RFX7: variants seen among roughly 807,000 people sequenced by gnomAD.
The protein encoded by RFX7 is DNA-binding protein RFX7.
A neutral mutation model predicts 111.8 loss-of-function variants in RFX7; 26 were observed. The ratio of observed to expected loss-of-function variants is 0.23; its 90% confidence interval spans 0.17 to 0.32. The LOEUF is 0.32. Among genes scored for constraint, RFX7 ranks in the 10% least tolerant of loss-of-function variants. RFX7 has a pLI of 1.00. For missense variants in RFX7, 1,573 were observed against 1,772.9 expected (o/e 0.89, Z 2.02); for synonymous variants, 624 against 624.4 (o/e 1.00, Z 0.01).
At chr15:56,144,712 T>C (rs1488219216) in intron 3 of RFX7, among the ~76,000 whole-genome samples, 3 of 152,144 alleles carry the variant, frequency 2.0e-5, no homozygotes, top group African/African-American at 7.2e-5. Flanking sequence ...TCTTACATCA[T>C]GGGCATAAAT....
rs561633285 is a variant in RFX7, at chr15:56,089,067, T to C, written c.*4278A>G. 2.0e-5 allele frequency: 3 copies of C among 152,334 alleles called. No individual in the cohort carries two copies. In the South Asian group the frequency reaches 6.2e-4, roughly 32 times the overall value. 9.4% of individuals were successfully genotyped at this position (152,334 alleles called of 1,614,324 possible). On this transcript the variant is annotated 3_prime_UTR_variant, in exon 10 of 10. Transcript: ENST00000559447. ...CCTAGGTGATGGAACTCATTTAAGA[T>C]GAATGACCACATGCTCCAGGAAATG...
intron 2 of RFX7, among the ~76,000 whole-genome samples, chr15:56,203,306 T>A (rs2043213300): frequency 6.6e-6 from 1 of 152,230 alleles, no homozygotes; most frequent in Non-Finnish European, 1.5e-5. Context: ...CTTCCTAATA[T>A]CTGTAGGTAA....
chr15:56,202,793 C>A (rs115513181), intron 2 of RFX7, among the ~76,000 whole-genome samples: 3,381 of 152,272 alleles, frequency 0.022, 126 homozygotes, highest in African/African-American at 0.077. Context: ...GTCTGGGCGA[C>A]AGGGCAAGAC....
At chr15:56,171,140 A>G (rs1212446859) in intron 3 of RFX7, among the ~76,000 whole-genome samples, 1 of 152,202 alleles carries the variant, frequency 6.6e-6, no homozygotes, top group Admixed American at 6.5e-5. Flanking sequence ...AAAATAGAGC[A>G]ACCAAGGAGT....
chr15:56,168,567 G>T (rs1489269966), intron 3 of RFX7, among the ~76,000 whole-genome samples: 1 of 152,146 alleles, frequency 6.6e-6, no homozygotes, highest in East Asian at 1.9e-4. Flanking sequence ...CTTAACACTG[G>T]ACAGCATGAC....
At chr15:56,212,176 G>T (rs1371481716) in intron 2 of RFX7, among the ~76,000 whole-genome samples, 11 of 152,052 alleles carry the variant, frequency 7.2e-5, no homozygotes, top group Non-Finnish European at 1.5e-4. Flanking sequence ...GTGCTAAAAA[G>T]AAATTAGCTA....
At position 56,095,537 on chromosome 15, in the gene RFX7, G is replaced by A. The variant is rs750962131; in HGVS notation, c.2191C>T (p.Pro731Ser). Reference protein sequence around the residue: ...NVSSHIGANQPLNSSALVISD... With the variant: ...NVSSHIGANQSLNSSALVISD... ...ATAACAAGGGCAGAGGAATTCAAGG[G>A]TTGATTTGCTCCTATGTGTGAACTG... Residue 731 changes from proline (P) to serine (S), a missense_variant, in exon 10 of 10, where the codon CCC becomes TCC. By Grantham distance (74) the Pro-to-Ser change is moderately conservative. Around this residue, in one of 7 missense-constraint regions of RFX7, gnomAD observed 625 missense variants for 632.2 expected, o/e 0.99. Coordinates refer to ENST00000559447, the MANE Select transcript of RFX7 (RefSeq NM_022841.7). The A allele has an allele frequency of 3.7e-6, 6 of 1,613,714 alleles. No homozygotes were observed. Among genetic ancestry groups the A allele is most frequent in the Admixed American group, 1.7e-5 (1 of 60,010 alleles).
In RFX7 at chr15:56,101,440, A is replaced by T. The variant is rs2041751897; in HGVS notation, c.730T>A (p.Leu244Ile). The change falls in exon 8 of 10, where the codon TTA becomes ATA. Residue 244 changes from leucine (L) to isoleucine (I), a missense_variant. Physicochemically the swap from Leu to Ile is conservative, Grantham distance 5. Transcript: ENST00000559447. Reference protein sequence around the residue: ...LSQPFDTVLELARFLVKSHYI... With the variant: ...LSQPFDTVLEIARFLVKSHYI... Reference sequence around the variant, plus strand: ...TGACTTTTTACAAGGAAGCGGGCTAATTCCAAGACGGTGTCAAATGGTTGG... The same window carrying T: ...TGACTTTTTACAAGGAAGCGGGCTATTTCCAAGACGGTGTCAAATGGTTGG... The T allele has an allele frequency of 6.2e-7, 1 of 1,613,426 alleles. No individual in the cohort carries two copies. Among genetic ancestry groups the T allele is most frequent in the Non-Finnish European group, 8.5e-7 (1 of 1,179,764 alleles).
chr15:56,102,264 G>C lies in RFX7; in HGVS notation c.519-11C>G. The C allele has an allele frequency of 6.5e-7, 1 of 1,543,038 alleles. No individual in the cohort carries two copies. The highest frequency in any genetic ancestry group is 8.9e-7 in the Non-Finnish European group (1 of 1,120,554). On this transcript the variant is annotated splice_polypyrimidine_tract_variant and intron_variant, in intron 6 of 9. Transcript: ENST00000559447. ...CCACTGTAGCAATATGTAATAAACA[G>C]TTAAGGTCTAAATATTCAAAATTAA...
chr15:56,200,506 A>T (rs1449173492), intron 2 of RFX7, among the ~76,000 whole-genome samples: 3 of 152,194 alleles, frequency 2.0e-5, no homozygotes, highest in Non-Finnish European at 2.9e-5. Flanking sequence ...GCAGCTTAGT[A>T]TCTAATGTTA....
intron 5 of RFX7, among the ~76,000 whole-genome samples, chr15:56,120,546 T>C (rs1214991165): frequency 6.6e-6 from 1 of 152,170 alleles, no homozygotes; most frequent in Non-Finnish European, 1.5e-5. Flanking sequence ...GTGGCAAAAG[T>C]GGGCATCCAT....
chr15:56,220,577 A>T (rs60307110), intron 2 of RFX7, among the ~76,000 whole-genome samples: 4 of 151,956 alleles, frequency 2.6e-5, no homozygotes, highest in African/African-American at 7.3e-5. Context: ...CAGACTCTGG[A>T]TATTAGACCT....
chr15:56,235,212 C>T (rs1405660732), intron 2 of RFX7, among the ~76,000 whole-genome samples: 9 of 151,008 alleles, frequency 6.0e-5, no homozygotes, highest in Admixed American at 2.6e-4. Flanking sequence ...CTCACTCTGT[C>T]GCCCAGGCCG....
chr15:56,154,332 G>A (rs1462771577), intron 3 of RFX7, among the ~76,000 whole-genome samples: 1 of 151,916 alleles, frequency 6.6e-6, no homozygotes, highest in African/African-American at 2.4e-5. Flanking sequence ...AAGACAATCC[G>A]GGGCAGGAAA....
chr15:56,101,319 A>AC, intron 8 of RFX7, 40 bp downstream of exon 8: 2 of 1,471,502 alleles, frequency 1.4e-6, no homozygotes, highest in Non-Finnish European at 1.9e-6. Flanking sequence ...ATACAATAAT[A>AC]CCTCTGTCAG....
At chr15:56,135,130 A>C (rs1312239435) in intron 5 of RFX7, among the ~76,000 whole-genome samples, 2 of 152,224 alleles carry the variant, frequency 1.3e-5, no homozygotes, top group Admixed American at 1.3e-4. Context: ...GTATATACCC[A>C]GTAATGGGAT....
At chr15:56,189,343 G>A (rs1018094550) in intron 2 of RFX7, among the ~76,000 whole-genome samples, 2 of 151,844 alleles carry the variant, frequency 1.3e-5, no homozygotes, top group Non-Finnish European at 2.9e-5. Flanking sequence ...TCATGTTACT[G>A]CAATTCACCC....
At chr15:56,185,126 A>G (rs1184094894) in intron 2 of RFX7, among the ~76,000 whole-genome samples, 3 of 152,132 alleles carry the variant, frequency 2.0e-5, no homozygotes, top group Non-Finnish European at 4.4e-5. Flanking sequence ...TTCCTGAAAA[A>G]TTTCCATTAA....
chr15:56,147,929 C>T (rs1260573932), intron 3 of RFX7, among the ~76,000 whole-genome samples: 3 of 152,102 alleles, frequency 2.0e-5, no homozygotes, highest in African/African-American at 7.2e-5. Context: ...TCTGATGATT[C>T]GAAGTGAAAC....
Sources: allele counts gnomAD v4.1 joint callset (sites outside exome capture counted in the v4.1 genomes callset), GRCh38; gene constraint gnomAD v4.1.1; regional missense constraint gnomAD v4.1.1; transcripts MANE v1.5; gene names NCBI Gene and HGNC (gene_info 2026-07-23, HGNC 2026-07-21).